PPME1: variants seen among roughly 807,000 people sequenced by gnomAD.
The protein encoded by PPME1 is testicular secretory protein Li 39.
PPME1 carries 17 observed loss-of-function variants against 56.9 expected under a neutral mutation model. The ratio of observed to expected loss-of-function variants is 0.30; its 90% CI spans 0.20 to 0.45. The LOEUF (loss-of-function observed/expected upper bound fraction) is 0.45, where lower values mean the gene tolerates loss of function less well. Ranked by LOEUF, PPME1 falls within the 20% of genes least tolerant of loss-of-function variation. The pLI, the probability that PPME1 is intolerant of heterozygous loss-of-function variation, is 1.00. For synonymous variants in PPME1, 122 were observed against 156.2 expected, an observed-to-expected ratio of 0.78 and a Z score of 1.63; for missense variants, 357 against 483.2, an observed-to-expected ratio of 0.74 and a Z score of 2.45.
rs550131283 is a variant in PPME1 at position 74,209,423 on chromosome 11, C to T, written c.288+4978C>T. Among the ~76,000 whole-genome samples, 9 of 152,248 alleles carry T rather than the reference C, an allele frequency of 5.9e-5. No individual in the cohort carries two copies. The South Asian group carries it at 1.9e-3, about 32-fold the overall frequency. ...TGGCCATGGGAGCTATTTTTAAACACAACATTTACCCCACGCACATCCACA... is the reference window on the plus strand; with the variant it reads ...TGGCCATGGGAGCTATTTTTAAACATAACATTTACCCCACGCACATCCACA... On this transcript the variant is annotated intron_variant, in intron 3 of 13. Coordinates refer to ENST00000328257, the MANE Select transcript of PPME1 (RefSeq NM_016147.3).
At chr11:74,214,335 A>G (rs1858564010) in intron 3 of PPME1, among the ~76,000 whole-genome samples, 1 of 152,198 alleles carries the variant, frequency 6.6e-6, no homozygotes, top group South Asian at 2.1e-4. Context: ...ACAATAGAAA[A>G]TAGCCTCAAA....
chr11:74,215,146 G>C (rs1480803698), intron 3 of PPME1, among the ~76,000 whole-genome samples: 2 of 152,152 alleles, frequency 1.3e-5, no homozygotes, highest in Non-Finnish European at 2.9e-5. Flanking sequence ...AGGAATTTGA[G>C]ACCAGCCTGG....
intron 1 of PPME1, among the ~76,000 whole-genome samples, chr11:74,181,505 T>A (rs538347194): frequency 9.5e-4 from 145 of 152,350 alleles, no homozygotes; most frequent in Non-Finnish European, 1.7e-3. Context: ...ACTGTTACTG[T>A]GTCAGACTTA....
intron 8 of PPME1, chr11:74,238,194 A>G (rs1418811235): frequency 4.0e-5 from 6 of 150,944 alleles, no homozygotes; most frequent in Non-Finnish European, 8.9e-5. Context: ...TATCACATCT[A>G]TACTGTATAC....
chr11:74,231,184 A>G (rs1859057121), intron 7 of PPME1, among the ~76,000 whole-genome samples, 182 bp downstream of exon 7: 1 of 152,152 alleles, frequency 6.6e-6, no homozygotes, highest in African/African-American at 2.4e-5. Context: ...CAGCCTCCCA[A>G]GTTGCTAAGA....
At chr11:74,250,663 C>G (rs550924121) in intron 11 of PPME1, 3 of 320,854 alleles carry the variant, frequency 9.4e-6, no homozygotes, top group African/African-American at 4.2e-5. Flanking sequence ...GTTTTACTCC[C>G]CTACTGGACT....
chr11:74,219,358 T>G (rs1313931507), intron 3 of PPME1, among the ~76,000 whole-genome samples: 2 of 142,292 alleles, frequency 1.4e-5, no homozygotes, highest in Admixed American at 1.4e-4. Context: ...AAACTAAAAA[T>G]AGAACTACCG....
rs1201459717 is a variant in PPME1, at chr11:74,230,483, G to A, written c.553+84G>A. On this transcript the variant is annotated intron_variant, in intron 6 of 13. Transcript: ENST00000328257. The surrounding 1 kb of genome is among the most constrained non-coding windows in gnomAD (Gnocchi z 4.9). ...GATTATTACCTTGTCTTAGTTTATT[G>A]TTGATTTCATTCATCTTGAAATATG... The A allele has an allele frequency of 5.5e-6, 8 of 1,452,198 alleles. No homozygotes were observed. The highest frequency in any genetic ancestry group is 7.6e-6 in the Non-Finnish European group (8 of 1,053,468). 90.0% of individuals were successfully genotyped at this position (1,452,198 alleles called of 1,614,324 possible). A position where few individuals can be genotyped will look rare whatever the true frequency, so the allele number is the denominator to read the frequency against.
chr11:74,222,165 T>C, intron 3 of PPME1, 147 bp from the exon 4 acceptor site: 1 of 641,578 alleles, frequency 1.6e-6, no homozygotes, highest in Non-Finnish European at 2.7e-6. Flanking sequence ...ATCATCATTC[T>C]TTCATTTTGC....
intron 1 of PPME1, among the ~76,000 whole-genome samples, chr11:74,200,594 G>T (rs1473102441): frequency 6.6e-6 from 1 of 152,076 alleles, no homozygotes; most frequent in African/African-American, 2.4e-5. Flanking sequence ...TGTTGAGCAG[G>T]CTGGTCTCGA....
chr11:74,239,307 CTGTG>C, intron 9 of PPME1, 51 bp downstream of exon 9: 1 of 1,591,644 alleles, frequency 6.3e-7, no homozygotes, highest in Admixed American at 1.8e-5. Context: ...ATGGTTCAAA[CTGTG>C]TGTGGGTGGG....
intron 1 of PPME1, among the ~76,000 whole-genome samples, chr11:74,191,821 A>G (rs888247223): frequency 1.1e-4 from 16 of 152,208 alleles, no homozygotes; most frequent in Admixed American, 1.0e-3. Context: ...GCTTCTGCCT[A>G]GATTTCAGGG....
At chr11:74,180,890 C>G (rs947360804) in intron 1 of PPME1, among the ~76,000 whole-genome samples, 6 of 152,162 alleles carry the variant, frequency 3.9e-5, no homozygotes, top group African/African-American at 1.4e-4. Flanking sequence ...GTTTAGGGAC[C>G]AGAGCAAGTG....
intron 12 of PPME1, 172 bp from the exon 13 acceptor site, chr11:74,251,476 G>C: frequency 1.4e-6 from 2 of 1,433,106 alleles, no homozygotes; most frequent in Non-Finnish European, 1.8e-6. Flanking sequence ...TAGTGGGGAG[G>C]AGTCTTCTAG....
intron 11 of PPME1, 112 bp from the exon 12 acceptor site, chr11:74,250,842 G>A (rs1237240930): frequency 1.2e-6 from 1 of 829,196 alleles, no homozygotes; most frequent in Non-Finnish European, 2.0e-6. Flanking sequence ...AGAGTATTGA[G>A]GTGAGGTTGG....
chr11:74,171,601 C>T, intron 1 of PPME1, 79 bp downstream of exon 1: 4 of 1,477,592 alleles, frequency 2.7e-6, no homozygotes, highest in South Asian at 2.6e-5. Flanking sequence ...TTCATAGAGG[C>T]ACGGGAAAGG....
At chr11:74,253,446 A>G (rs1035420336) in intron 13 of PPME1, 46 bp from the exon 14 acceptor site, 1 of 1,572,108 alleles carries the variant, frequency 6.4e-7, no homozygotes, top group African/African-American at 1.4e-5. Context: ...AGGGAAAGCT[A>G]TTGATAGTTA....
intron 3 of PPME1, 67 bp from the exon 4 acceptor site, chr11:74,222,245 A>G: frequency 8.1e-7 from 1 of 1,228,376 alleles, no homozygotes; most frequent in Non-Finnish European, 1.2e-6. Flanking sequence ...TTACAAAGTT[A>G]TCATTGGGAA....
In PPME1 at chr11:74,171,300, C is replaced by G. The variant is rs1857207421; in HGVS notation, c.-122C>G. 1.1e-5 allele frequency: 17 copies of G among 1,507,950 alleles called. 1 individual carries two copies. In the South Asian group the frequency reaches 1.4e-4, roughly 12 times the overall value. The allele number at this position is 1,507,950 out of a possible 1,614,324, so 93.4% of individuals were successfully genotyped here. ...GGGCGGTAGGCGGTGCTACGGGTAG[C>G]TGGGTGCTGTCCAAAGGCGACAGGG... On this transcript the variant is annotated 5_prime_UTR_variant, in exon 1 of 14. Transcript: ENST00000328257.
Sources: gnomAD v4.1 joint callset for allele counts (sites outside exome capture counted in the v4.1 genomes callset) on GRCh38, gnomAD v4.1.1 for gene constraint, Gnocchi (gnomAD v3.1) non-coding constraint, MANE v1.5 for transcripts, NCBI Gene and HGNC (gene_info 2026-07-23, HGNC 2026-07-21) for gene names.